Variants in PPARG observed in about 807,000 individuals in gnomAD.
PPARG encodes peroxisome proliferator-activated receptor gamma.
In PPARG, 17 loss-of-function variants were observed where a neutral mutation model predicts 39.2. That is an observed-to-expected ratio of 0.43 (90% confidence interval 0.30 to 0.65). PPARG has a LOEUF of 0.65. PPARG is among the 30% of genes least tolerant of loss of function. The pLI, the probability that PPARG is intolerant of heterozygous loss-of-function variation, is 0.13. For synonymous variants in PPARG, 223 were observed against 215.7 expected (o/e 1.03, Z -0.30); for missense variants, 406 against 585.9 (o/e 0.69, Z 3.17).
At chr3:12,431,455 A>G (rs899546724) in intron 7 of PPARG, among the ~76,000 whole-genome samples, 2 of 152,204 alleles carry the variant, frequency 1.3e-5, no homozygotes, top group Non-Finnish European at 2.9e-5. Context: ...CAACTCAAGA[A>G]AACTAGAAAA....
At chr3:12,318,699 A>G (rs1033597990) in intron 2 of PPARG, among the ~76,000 whole-genome samples, 2 of 152,162 alleles carry the variant, frequency 1.3e-5, no homozygotes, top group Non-Finnish European at 2.9e-5. Flanking sequence ...TATGAGCTCT[A>G]CAGTCTGAGT....
rs144181494 is a variant in PPARG at position 12,319,922 on chromosome 3, C to G, written c.-9+7469C>G. ...TTTACGGCGTATATTTATGGTATTA[C>G]TGTAATAATTGCCTTGACTTTTTTA... is the stretch of plus-strand genomic sequence containing the variant. On this transcript the variant is annotated intron_variant, in intron 2 of 7. Transcript: ENST00000651735. Among the ~76,000 whole-genome samples, 7 of 152,246 alleles carry G rather than the reference C, an allele frequency of 4.6e-5. No individual in the cohort carries two copies. The East Asian group carries it at 1.3e-3, about 29-fold the overall frequency.
intron 6 of PPARG, among the ~76,000 whole-genome samples, chr3:12,413,661 T>C (rs1006593429): frequency 6.6e-6 from 1 of 150,830 alleles, no homozygotes; most frequent in Non-Finnish European, 1.5e-5. Flanking sequence ...AATAAAAAAA[T>C]TTAAAAAAAA....
At chr3:12,376,338 A>G (rs375296864) in intron 2 of PPARG, among the ~76,000 whole-genome samples, 1 of 152,166 alleles carries the variant, frequency 6.6e-6, no homozygotes, top group Non-Finnish European at 1.5e-5. Flanking sequence ...TTTCTTGGCA[A>G]TCTGCTTGGT....
chr3:12,400,620 G>A (rs937020443), intron 5 of PPARG, among the ~76,000 whole-genome samples: 7 of 152,298 alleles, frequency 4.6e-5, no homozygotes, highest in Non-Finnish European at 8.8e-5. Flanking sequence ...AGGAAACTGC[G>A]TGCCAGTGTT....
chr3:12,301,086 C>T (rs1214228062), intron 1 of PPARG, among the ~76,000 whole-genome samples: 1 of 152,104 alleles, frequency 6.6e-6, no homozygotes, highest in East Asian at 1.9e-4. Flanking sequence ...GGAGAAATTT[C>T]CATTTTGTTA....
chr3:12,394,903 C>G (rs1183818800), intron 5 of PPARG, among the ~76,000 whole-genome samples: 8 of 152,090 alleles, frequency 5.3e-5, no homozygotes, highest in African/African-American at 1.9e-4. Flanking sequence ...AGTGTTATAC[C>G]AAAATCAGCA....
chr3:12,427,467 A>G (rs912806710), intron 7 of PPARG, among the ~76,000 whole-genome samples: 1 of 151,946 alleles, frequency 6.6e-6, no homozygotes, highest in African/African-American at 2.4e-5. Flanking sequence ...TATGCCACCC[A>G]CTCCTACTTA....
chr3:12,346,594 A>G (rs1447718810), intron 2 of PPARG, among the ~76,000 whole-genome samples: 2 of 149,928 alleles, frequency 1.3e-5, no homozygotes, highest in African/African-American at 2.4e-5. Flanking sequence ...AGTTAAGAAG[A>G]CCTTTTTTTT....
chr3:12,371,947 C>T, intron 2 of PPARG: 1 of 714,774 alleles, frequency 1.4e-6, no homozygotes, highest in South Asian at 1.5e-5. Context: ...TGATCTTGAT[C>T]TGCATGAATC....
intron 1 of PPARG, among the ~76,000 whole-genome samples, chr3:12,303,563 G>A (rs1469989420): frequency 6.6e-6 from 1 of 152,198 alleles, no homozygotes; most frequent in African/African-American, 2.4e-5. Context: ...ACTGGGACCA[G>A]AGCAGTAGGC....
intron 7 of PPARG, among the ~76,000 whole-genome samples, chr3:12,428,124 G>A (rs1031158308): frequency 6.6e-6 from 1 of 152,104 alleles, no homozygotes; most frequent in African/African-American, 2.4e-5. Context: ...TCTGTGCTAG[G>A]GAAACACCCA....
intron 2 of PPARG, among the ~76,000 whole-genome samples, chr3:12,363,672 A>C (rs1230537150): frequency 6.6e-6 from 1 of 152,076 alleles, no homozygotes; most frequent in African/African-American, 2.4e-5. Flanking sequence ...GGGAAACAGT[A>C]CTCTGGCAGA....
chr3:12,384,219 T>A (rs1423877247), intron 4 of PPARG, among the ~76,000 whole-genome samples: 1 of 152,190 alleles, frequency 6.6e-6, no homozygotes, highest in African/African-American at 2.4e-5. Context: ...AATCCACTTA[T>A]ATTTTGATAT....
chr3:12,321,013 T>C (rs2047527068), intron 2 of PPARG, among the ~76,000 whole-genome samples: 1 of 152,244 alleles, frequency 6.6e-6, no homozygotes, highest in South Asian at 2.1e-4. Flanking sequence ...GCTCCTTCAT[T>C]GTGTTAATTA....
chr3:12,339,310 G>C (rs763420456), intron 2 of PPARG, among the ~76,000 whole-genome samples: 8 of 152,286 alleles, frequency 5.3e-5, no homozygotes, highest in Middle Eastern at 3.4e-3. Context: ...GGGATTGGGG[G>C]TAGTAATTGG....
intron 1 of PPARG, among the ~76,000 whole-genome samples, chr3:12,302,418 T>C (rs1308638124): frequency 1.3e-5 from 2 of 152,134 alleles, no homozygotes; most frequent in Admixed American, 6.6e-5. Flanking sequence ...TGAACATGTT[T>C]TGGAACTACA....
chr3:12,393,347 A>C (rs953322246), intron 5 of PPARG, among the ~76,000 whole-genome samples: 2 of 151,976 alleles, frequency 1.3e-5, no homozygotes, highest in African/African-American at 4.8e-5. Context: ...AGAGAATAAA[A>C]CTTTCTACTT....
chr3:12,294,601 TATC>T (rs1407138288), intron 1 of PPARG, among the ~76,000 whole-genome samples: 3 of 152,172 alleles, frequency 2.0e-5, no homozygotes, highest in Non-Finnish European at 4.4e-5. Context: ...GATCATAAAA[TATC>T]ATACATGCGG....
Sources: allele counts gnomAD v4.1 joint callset (sites outside exome capture counted in the v4.1 genomes callset), GRCh38; gene constraint gnomAD v4.1.1; transcripts MANE v1.5; gene names NCBI Gene and HGNC (gene_info 2026-07-23, HGNC 2026-07-21).